The following C2orf76 variants were observed in gnomAD, a reference collection of about 807,000 sequenced individuals.
C2orf76 encodes chromosome 2 open reading frame 76.
C2orf76 carries 23 observed loss-of-function variants against 16.9 expected under a neutral mutation model. The ratio of observed to expected loss-of-function variants is 1.36; its 90% CI spans 0.98 to 1.93. The LOEUF is 1.93. Ranked by LOEUF, C2orf76 falls within the 30% of genes most tolerant of loss-of-function variation. The probability of loss-of-function intolerance (pLI) is 0.00; values close to 1 mark genes in which losing one functional copy is unlikely to be tolerated. For missense variants in C2orf76, 152 were observed against 152.6 expected (o/e 1.00, Z 0.02); for synonymous variants, 48 against 52.3 (o/e 0.92, Z 0.35).
intron 5 of C2orf76, among the ~76,000 whole-genome samples, chr2:119,304,917 C>T (rs1369601747): frequency 1.3e-5 from 2 of 152,062 alleles, no homozygotes; most frequent in African/African-American, 4.8e-5. Context: ...CACCATTATC[C>T]CTTAAATTCC....
At chr2:119,344,477 A>G (rs1219681180) in intron 1 of C2orf76, among the ~76,000 whole-genome samples, 1 of 152,246 alleles carries the variant, frequency 6.6e-6, no homozygotes, top group Non-Finnish European at 1.5e-5. Flanking sequence ...ATGAAATGAT[A>G]GACAATGTCC....
At chr2:119,348,902 G>A (rs1320014789) in intron 1 of C2orf76, among the ~76,000 whole-genome samples, 1 of 152,160 alleles carries the variant, frequency 6.6e-6, no homozygotes, top group Non-Finnish European at 1.5e-5. Context: ...TGGGAGGATC[G>A]CTTCAGCCTG....
At position 119,302,551 on chromosome 2, in the gene C2orf76, G is replaced by GAA; in HGVS notation, c.305-5_305-4dup. The GAA allele has an allele frequency of 2.0e-6, 3 of 1,473,752 alleles. No individual in the cohort carries two copies. The highest frequency in any genetic ancestry group is 2.1e-5 in the Admixed American group (1 of 48,640). The allele number at this position is 1,473,752 out of a possible 1,614,324, so 91.3% of individuals were successfully genotyped here. ...GAATGCAATTTCAGTTTCACTGGCT[G>GAA]AAAAAAAACAGAAAATGGAAAAAAA... On this transcript the variant is annotated splice_polypyrimidine_tract_variant and splice_region_variant and intron_variant, in intron 5 of 5. Coordinates refer to ENST00000334816, the MANE Select transcript of C2orf76 (RefSeq NM_001322331.2).
chr2:119,364,764 T>C (rs12613135), intron 1 of C2orf76, among the ~76,000 whole-genome samples: 44,082 of 151,940 alleles, frequency 0.29, 6,562 homozygotes, highest in African/African-American at 0.33. Context: ...GGATCTTGCA[T>C]TCTCAGAATT....
rs59581840 is a variant in C2orf76 at position 119,325,457 on chromosome 2, C to CAAAAAAA, written c.134-4260_134-4254dup. ...CCTGGGCGACAGAGCAAGACTGTCT[C>CAAAAAAA]AAAAAAAAAAAAAAAAAAAAAAAGA... On this transcript the variant is annotated intron_variant, in intron 2 of 5. Transcript: ENST00000334816. 1.2e-4 allele frequency among the ~76,000 whole-genome samples: 7 copies of CAAAAAAA among 59,776 alleles called. 1 individual carries two copies. Among genetic ancestry groups the CAAAAAAA allele is most frequent in the African/African-American group, 1.3e-4 (2 of 15,890 alleles). The allele number at this position is 59,776 out of a possible 152,430, so 39.2% of individuals were successfully genotyped here. A position where few individuals can be genotyped will look rare whatever the true frequency, so the allele number is the denominator to read the frequency against.
intron 1 of C2orf76, among the ~76,000 whole-genome samples, chr2:119,346,747 T>C (rs1175314133): frequency 2.0e-5 from 3 of 152,186 alleles, no homozygotes; most frequent in African/African-American, 4.8e-5. Context: ...TTTATCTACA[T>C]GTGATATAAC....
At chr2:119,315,770 G>T (rs1679148748) in intron 4 of C2orf76, among the ~76,000 whole-genome samples, 1 of 152,128 alleles carries the variant, frequency 6.6e-6, no homozygotes, top group Admixed American at 6.5e-5. Context: ...CAAATACATT[G>T]TTCAACTGGA....
At chr2:119,334,261 A>G (rs1436204464) in intron 2 of C2orf76, among the ~76,000 whole-genome samples, 1 of 151,262 alleles carries the variant, frequency 6.6e-6, no homozygotes, top group Admixed American at 6.6e-5. Flanking sequence ...CACAGCGGAT[A>G]TTTTAGGCAG....
chr2:119,321,482 G>A (rs1679340504), intron 2 of C2orf76, among the ~76,000 whole-genome samples: 1 of 152,110 alleles, frequency 6.6e-6, no homozygotes, highest in Admixed American at 6.6e-5. Context: ...AGGAGCAAAG[G>A]CACATCTAAC....
At position 119,363,156 on chromosome 2, in the gene C2orf76, G is replaced by A. The variant is rs775479193; in HGVS notation, c.-13+3634C>T. 2.4e-4 allele frequency among the ~76,000 whole-genome samples: 36 copies of A among 152,226 alleles called. 1 individual carries two copies. Among genetic ancestry groups the A allele is most frequent in the African/African-American group, 4.8e-5 (2 of 41,530 alleles). On this transcript the variant is annotated intron_variant, in intron 1 of 5. Transcript: ENST00000334816. Reference sequence around the variant, plus strand: ...ACTAGTCTCCTGGGCCAGGCGACATGGCTCACGCCTGTAATCTCAGCACTT... The same window carrying A: ...ACTAGTCTCCTGGGCCAGGCGACATAGCTCACGCCTGTAATCTCAGCACTT...
intron 1 of C2orf76, among the ~76,000 whole-genome samples, chr2:119,342,147 C>T (rs923846788): frequency 6.6e-6 from 1 of 151,984 alleles, no homozygotes; most frequent in Non-Finnish European, 1.5e-5. Context: ...TGTACTCCTA[C>T]GATAGAATAT....
chr2:119,311,078 C>T (rs1266226070), intron 5 of C2orf76: 3 of 819,350 alleles, frequency 3.7e-6, no homozygotes, highest in Admixed American at 6.2e-5. Flanking sequence ...CAAAACATGT[C>T]ACATAACATT....
the C2orf76 span, among the ~76,000 whole-genome samples, chr2:119,284,694 T>TC: frequency 4.6e-5 from 7 of 151,692 alleles, no homozygotes; most frequent in Admixed American, 2.6e-4. Context: ...TTTTTTTTTT[T>TC]TGCAACCTAA....
At chr2:119,284,162 G>T in the C2orf76 span, among the ~76,000 whole-genome samples, 1 of 152,038 alleles carries the variant, frequency 6.6e-6, no homozygotes, top group African/African-American at 2.4e-5. Flanking sequence ...TCCATGATTC[G>T]CCAGCACCCA....
chr2:119,321,819 T>G (rs1679352179), intron 2 of C2orf76, among the ~76,000 whole-genome samples: 1 of 151,222 alleles, frequency 6.6e-6, no homozygotes, highest in Admixed American at 6.6e-5. Flanking sequence ...TATCTATGTA[T>G]AGTTAAAATA....
At chr2:119,313,862 G>C (rs1249448723) in intron 4 of C2orf76, among the ~76,000 whole-genome samples, 1 of 151,996 alleles carries the variant, frequency 6.6e-6, no homozygotes, top group Non-Finnish European at 1.5e-5. Flanking sequence ...TTAAAGTTCT[G>C]AATATTTTCT....
chr2:119,351,399 A>G (rs984189501), intron 1 of C2orf76, among the ~76,000 whole-genome samples: 1 of 152,208 alleles, frequency 6.6e-6, no homozygotes, highest in Admixed American at 6.5e-5. Context: ...AATGAAAAAA[A>G]CATGGCAATA....
chr2:119,365,139 G>A (rs927033405), intron 1 of C2orf76, among the ~76,000 whole-genome samples: 8 of 152,274 alleles, frequency 5.3e-5, no homozygotes, highest in Admixed American at 1.3e-4. Context: ...TGATCTTTGA[G>A]AAGTGATAAC....
intron 1 of C2orf76, 197 bp downstream of exon 1, chr2:119,366,593 T>C: frequency 6.7e-6 from 3 of 450,964 alleles, no homozygotes; most frequent in South Asian, 4.8e-5. Flanking sequence ...AGAGTTTACT[T>C]GTCCAGAGAT....
Sources: gnomAD v4.1 joint callset for allele counts (sites outside exome capture counted in the v4.1 genomes callset) on GRCh38, gnomAD v4.1.1 for gene constraint, MANE v1.5 for transcripts, NCBI Gene and HGNC (gene_info 2026-07-23, HGNC 2026-07-21) for gene names.